FGF13: variants seen among roughly 807,000 people sequenced by gnomAD.
The protein encoded by FGF13 is fibroblast growth factor homologous factor 2.
In FGF13, 2 loss-of-function variants were observed where a neutral mutation model predicts 19.5. The observed-to-expected ratio is 0.10, with a 90% CI of 0.04 to 0.32. The LOEUF (loss-of-function observed/expected upper bound fraction) is 0.32. Ranked by LOEUF, FGF13 falls within the 10% of genes least tolerant of loss-of-function variation. The pLI, the probability that FGF13 is intolerant of heterozygous loss-of-function variation, is 1.00. For synonymous variants in FGF13, 72 were observed against 76.9 expected (o/e 0.94, Z 0.33); for missense variants, 113 against 192.7 (o/e 0.59, Z 2.45).
intron 1 of FGF13, among the ~76,000 whole-genome samples, chrX:138,894,629 T>C (rs1362183865): frequency 9.0e-6 from 1 of 110,685 alleles, no homozygotes. Flanking sequence ...AATCCCTGAA[T>C]AGACCAATAA....
chrX:139,060,476 A>C (rs1032916643), intron 1 of FGF13, among the ~76,000 whole-genome samples: 2 of 111,727 alleles, frequency 1.8e-5, no homozygotes, highest in Non-Finnish European at 3.8e-5. Context: ...AGCTCACCAA[A>C]TATTAGTCAA....
chrX:138,775,048 C>A (rs1192526926), intron 3 of FGF13, among the ~76,000 whole-genome samples: 1 of 112,606 alleles, frequency 8.9e-6, no homozygotes, highest in Non-Finnish European at 1.9e-5. Flanking sequence ...CAACCTCCAC[C>A]TCCAAGGTTC....
At chrX:138,819,934 T>C (rs755536406) in intron 3 of FGF13, among the ~76,000 whole-genome samples, 5 of 111,824 alleles carry the variant, frequency 4.5e-5, no homozygotes, top group African/African-American at 1.6e-4. Flanking sequence ...AAGTGGCTTA[T>C]CTGAAGCAGC....
intron 3 of FGF13, among the ~76,000 whole-genome samples, chrX:138,685,823 T>C (rs2089776386): frequency 1.8e-5 from 2 of 109,727 alleles, no homozygotes; most frequent in African/African-American, 6.6e-5. Flanking sequence ...CTATATAGAG[T>C]GAGAACATTT....
rs35534771 is a variant in FGF13 at position 139,133,344 on chromosome X, G to GAA, written c.-113+70070_-113+70071dup. 8.3e-4 allele frequency among the ~76,000 whole-genome samples: 56 copies of GAA among 67,676 alleles called. 1 individual carries two copies. Among genetic ancestry groups the GAA allele is most frequent in the African/African-American group, 2.7e-3 (47 of 17,405 alleles). 58.8% of individuals were successfully genotyped at this position (67,676 alleles called of 115,157 possible). A position where few individuals can be genotyped will look rare whatever the true frequency, so the allele number is the denominator to read the frequency against. On this transcript the variant is annotated intron_variant, in intron 1 of 2. Coordinates refer to the FGF13 transcript ENST00000421460. ...CAGTAAACTCAAGCTGGGACCACGT[G>GAA]AAAAAAAAAAAAAAAAAAATTCTCA... is the stretch of plus-strand genomic sequence containing the variant.
intron 1 of FGF13, among the ~76,000 whole-genome samples, chrX:138,970,465 T>A (rs1295525478): frequency 9.0e-6 from 1 of 111,236 alleles, no homozygotes; most frequent in African/African-American, 3.3e-5. Context: ...AAAAACAATA[T>A]GTCACTCTGT....
At chrX:139,004,077 G>T (rs920900345) in intron 1 of FGF13, among the ~76,000 whole-genome samples, 1 of 112,696 alleles carries the variant, frequency 8.9e-6, no homozygotes, top group Non-Finnish European at 1.9e-5. Context: ...GGAGCAGGGG[G>T]TGGTGCTCGT....
chrX:138,703,008 G>A lies in FGF13; in HGVS notation c.378C>T (p.Asn126=). 8.3e-7 allele frequency: 1 copy of A among 1,207,573 alleles called. No individual in the cohort carries two copies. The change falls in exon 3 of 5, where the codon AAC becomes AAT. Residue 126 remains asparagine, a synonymous_variant. Coordinates refer to ENST00000315930, the MANE Select transcript of FGF13 (RefSeq NM_004114.5). ...CCGAGGTGTACAAGTATCCCTCACT[G>A]TTCATTGCCAAGTACAGCTTGGTTT... is the stretch of plus-strand genomic sequence containing the variant. ...GVQTKLYLAM[N]SEGYLYTSEL... is the part of the protein sequence containing the mutation.
intron 1 of FGF13, among the ~76,000 whole-genome samples, chrX:139,153,588 C>G (rs1345912795): frequency 9.0e-6 from 1 of 111,131 alleles, no homozygotes; most frequent in Non-Finnish European, 1.9e-5. Context: ...GTTTTCCCTT[C>G]TTTAAAATTT....
chrX:139,204,320 TCGCCGCCGC>T (rs770201350), upstream of FGF13: 5 of 325,782 alleles, frequency 1.5e-5, no homozygotes, highest in East Asian at 1.1e-4. Context: ...GGAGCCGCCG[TCGCCGCCGC>T]CGCCGCCGCG....
chrX:138,750,309 C>A (rs2090388960), intron 3 of FGF13, among the ~76,000 whole-genome samples: 1 of 111,785 alleles, frequency 8.9e-6, no homozygotes, highest in Non-Finnish European at 1.9e-5. Flanking sequence ...GCTATTAGAG[C>A]AATAATTATT....
At chrX:138,757,147 A>C (rs1467069375) in intron 3 of FGF13, among the ~76,000 whole-genome samples, 2 of 110,326 alleles carry the variant, frequency 1.8e-5, no homozygotes, top group African/African-American at 6.6e-5. Flanking sequence ...ACCTAATCCC[A>C]TGCTGCCTGA....
At chrX:138,810,335 C>A (rs1235488899) in intron 3 of FGF13, among the ~76,000 whole-genome samples, 2 of 111,439 alleles carry the variant, frequency 1.8e-5, no homozygotes, top group Non-Finnish European at 3.8e-5. Context: ...GAAAAACAAG[C>A]AATGGGGAAA....
intron 1 of FGF13, among the ~76,000 whole-genome samples, chrX:139,134,804 A>G (rs1411981856): frequency 1.8e-5 from 2 of 111,479 alleles, no homozygotes; most frequent in Non-Finnish European, 3.8e-5. Flanking sequence ...ACCCATCCTC[A>G]TGCCTGGCTA....
At chrX:138,820,060 A>G (rs955459175) in intron 3 of FGF13, among the ~76,000 whole-genome samples, 4 of 112,064 alleles carry the variant, frequency 3.6e-5, no homozygotes, top group Non-Finnish European at 7.5e-5. Context: ...AGAAACAAGT[A>G]AAATCAAATA....
intron 3 of FGF13, among the ~76,000 whole-genome samples, chrX:138,842,224 T>TCAAGCTCCTAAAAGG (rs2091154094): frequency 9.0e-6 from 1 of 110,896 alleles, no homozygotes; most frequent in Non-Finnish European, 1.9e-5. Flanking sequence ...AGTTTTCATG[T>TCAAGCTCCTAAAAGG]CAAGCTCCTA....
chrX:138,954,203 A>C (rs754464409), intron 1 of FGF13, among the ~76,000 whole-genome samples: 1 of 111,006 alleles, frequency 9.0e-6, no homozygotes, highest in African/African-American at 3.3e-5. Flanking sequence ...CACTTAATTT[A>C]TTCCATGAAT....
chrX:139,120,447 G>A (rs1249973017), intron 1 of FGF13, among the ~76,000 whole-genome samples: 1 of 111,368 alleles, frequency 9.0e-6, no homozygotes, highest in East Asian at 2.8e-4. Flanking sequence ...GGAAACTGAG[G>A]CTCAGAGATG....
intron 3 of FGF13, among the ~76,000 whole-genome samples, chrX:138,775,014 C>T (rs2090577734): frequency 8.9e-6 from 1 of 112,407 alleles, no homozygotes; most frequent in Non-Finnish European, 1.9e-5. Context: ...GGCTGGGGTG[C>T]AGTGGTGCAA....
Sources: allele counts gnomAD v4.1 joint callset (sites outside exome capture counted in the v4.1 genomes callset), GRCh38; gene constraint gnomAD v4.1.1; transcripts MANE v1.5; gene names NCBI Gene and HGNC (gene_info 2026-07-23, HGNC 2026-07-21).